The following DPYD variants were observed in gnomAD, a reference collection of about 807,000 sequenced individuals.
DPYD encodes dihydropyrimidine dehydrogenase [NADP(+)].
In DPYD, 109 loss-of-function variants were observed where a neutral mutation model predicts 116.2. The observed-to-expected ratio is 0.94, with a 90% CI of 0.80 to 1.10. The LOEUF (loss-of-function observed/expected upper bound fraction) is 1.10. Ranked by LOEUF, DPYD falls within the 50% of genes least tolerant of loss-of-function variation. DPYD has a pLI of 0.00. For missense variants in DPYD, 1,302 were observed against 1,254.5 expected (o/e 1.04, Z -0.57); for synonymous variants, 440 against 432.0 (o/e 1.02, Z -0.23).
At chr1:97,457,857 C>T (rs1676777497) in intron 13 of DPYD, among the ~76,000 whole-genome samples, 1 of 152,076 alleles carries the variant, frequency 6.6e-6, no homozygotes, top group African/African-American at 2.4e-5. Flanking sequence ...TTATTAATAC[C>T]AATAGCTCAC....
At chr1:97,171,497 T>C (rs1225689322) in intron 20 of DPYD, among the ~76,000 whole-genome samples, 2 of 152,160 alleles carry the variant, frequency 1.3e-5, no homozygotes, top group African/African-American at 2.4e-5. Context: ...TGGTAGAATG[T>C]AGTAGGCAAG....
intron 5 of DPYD, among the ~76,000 whole-genome samples, chr1:97,701,346 C>A (rs1452828195): frequency 1.3e-5 from 2 of 151,112 alleles, no homozygotes; most frequent in African/African-American, 4.8e-5. Flanking sequence ...ATATATAAAG[C>A]AAAATTGATA....
At chr1:97,477,636 C>T (rs1224182150) in intron 13 of DPYD, among the ~76,000 whole-genome samples, 3 of 108,886 alleles carry the variant, frequency 2.8e-5, no homozygotes, top group Non-Finnish European at 3.6e-5. Context: ...TTTTTTAAGA[C>T]GGAGTCTCGC....
At chr1:97,396,234 GA>G (rs145827352) in intron 14 of DPYD, among the ~76,000 whole-genome samples, 19 of 147,718 alleles carry the variant, frequency 1.3e-4, no homozygotes, top group Non-Finnish European at 1.8e-4. Context: ...TTACAGACAG[GA>G]AAAAAAAAAC....
At chr1:97,881,439 G>A (rs1484495064) in intron 2 of DPYD, among the ~76,000 whole-genome samples, 1 of 151,898 alleles carries the variant, frequency 6.6e-6, no homozygotes, top group African/African-American at 2.4e-5. Context: ...GCATCCGTAG[G>A]TATAAATAGC....
chr1:97,638,016 A>G (rs950305655), intron 8 of DPYD, among the ~76,000 whole-genome samples: 2 of 152,240 alleles, frequency 1.3e-5, no homozygotes, highest in South Asian at 2.1e-4. Flanking sequence ...AAGCACATGT[A>G]CTGTATCTCA....
chr1:97,880,173 AAAAG>A (rs1460240391), intron 2 of DPYD, among the ~76,000 whole-genome samples: 7 of 152,060 alleles, frequency 4.6e-5, no homozygotes, highest in African/African-American at 1.7e-4. Context: ...TGACTATTTT[AAAAG>A]AAAGAAAGAG....
In DPYD at chr1:97,078,962, T is replaced by C. The variant is rs374367724; in HGVS notation, c.*14A>G. 9 of 1,613,332 alleles carry C rather than the reference T, an allele frequency of 5.6e-6. No individual in the cohort carries two copies. Among genetic ancestry groups the C allele is most frequent in the Non-Finnish European group, 7.6e-6 (9 of 1,179,464 alleles). On this transcript the variant is annotated 3_prime_UTR_variant, in exon 23 of 23. Transcript: ENST00000370192. ...GTGACATGAAAGTTCACAGCAACTG[T>C]TTCACAAATCACCTTAACACACCGG...
intron 3 of DPYD, among the ~76,000 whole-genome samples, chr1:97,751,914 C>T (rs1664951590): frequency 1.3e-5 from 2 of 151,888 alleles, no homozygotes; most frequent in African/African-American, 4.8e-5. Context: ...AGGCCTGTGC[C>T]ACCACATCCA....
At chr1:97,632,990 G>A (rs1259440964) in intron 8 of DPYD, among the ~76,000 whole-genome samples, 2 of 151,956 alleles carry the variant, frequency 1.3e-5, no homozygotes, top group African/African-American at 2.4e-5. Flanking sequence ...AGAAACACAC[G>A]TAATCTTAGC....
Position 97,138,217 on chromosome 1 carries a change from G to A in DPYD, c.2623-39585C>T, listed in dbSNP as rs367806925. On this transcript the variant is annotated intron_variant, in intron 20 of 22. Transcript: ENST00000370192. ...ACCTGTTTCTATATGAGAATGGCAT[G>A]TGGAAACAGGGACAGATGGTGGGGT... 7.2e-5 allele frequency among the ~76,000 whole-genome samples: 11 copies of A among 152,308 alleles called. No individual in the cohort carries two copies. The East Asian group carries it at 1.7e-3, about 24-fold the overall frequency.
chr1:97,475,739 G>A (rs1345198074), intron 13 of DPYD, among the ~76,000 whole-genome samples: 2 of 152,150 alleles, frequency 1.3e-5, no homozygotes, highest in Non-Finnish European at 2.9e-5. Context: ...CTAGGCTGGT[G>A]GCCAAATTTG....
At chr1:97,313,938 G>A (rs61249534) in intron 16 of DPYD, among the ~76,000 whole-genome samples, 11,547 of 151,948 alleles carry the variant, frequency 0.076, 997 homozygotes, top group African/African-American at 0.21. Flanking sequence ...CATGTTGAAT[G>A]AAAGAATGAA....
intron 18 of DPYD, among the ~76,000 whole-genome samples, chr1:97,280,880 G>T (rs1028673027): frequency 1.3e-5 from 2 of 152,056 alleles, no homozygotes; most frequent in African/African-American, 4.8e-5. Context: ...ATACCTCGAA[G>T]ATTTTAAATC....
intron 11 of DPYD, among the ~76,000 whole-genome samples, chr1:97,559,596 A>G (rs1322929088): frequency 6.6e-6 from 1 of 151,930 alleles, no homozygotes; most frequent in Non-Finnish European, 1.5e-5. Context: ...CTGTAATTTT[A>G]GCTTTAGCAG....
intron 3 of DPYD, among the ~76,000 whole-genome samples, chr1:97,788,502 T>G (rs902156944): frequency 6.6e-6 from 1 of 152,122 alleles, no homozygotes; most frequent in African/African-American, 2.4e-5. Context: ...ACTGAAATAG[T>G]TTGAATGAGC....
At chr1:97,181,544 T>C (rs1044837279) in intron 20 of DPYD, among the ~76,000 whole-genome samples, 5 of 152,112 alleles carry the variant, frequency 3.3e-5, no homozygotes, top group Admixed American at 1.3e-4. Context: ...TAGGAGGTGC[T>C]TCAAAAGACA....
At position 97,573,762 on chromosome 1, in the gene DPYD, T is replaced by G. The variant is rs200709381; in HGVS notation, c.1337A>C (p.Lys446Thr). ...CATTTCAGCTCCCAGCACTGTACCT[T>G]TAGGATCACTCAGAACTGAACCAAA... ...SAFGSVLSDP[K>T]VKEALSPIKF... Residue 446 changes from lysine to threonine, a missense_variant and splice_region_variant, in exon 11 of 23, where the codon AAA becomes ACA. Transcript: ENST00000370192. 129 of 1,613,340 alleles carry G rather than the reference T, an allele frequency of 8.0e-5. No homozygotes were observed. Among genetic ancestry groups the G allele is most frequent in the Non-Finnish European group, 1.1e-4 (125 of 1,179,506 alleles).
At chr1:97,881,818 G>A (rs747400763) in intron 2 of DPYD, among the ~76,000 whole-genome samples, 13 of 151,514 alleles carry the variant, frequency 8.6e-5, no homozygotes, top group Non-Finnish European at 1.6e-4. Context: ...GTCTTTAAGG[G>A]CTTTCTAAGT....
Sources: allele counts gnomAD v4.1 joint callset (sites outside exome capture counted in the v4.1 genomes callset), GRCh38; gene constraint gnomAD v4.1.1; transcripts MANE v1.5; gene names NCBI Gene and HGNC (gene_info 2026-07-23, HGNC 2026-07-21).